Variants in GAREM1 observed in about 807,000 individuals in gnomAD.
GAREM1 encodes the protein GRB2-associated and regulator of MAPK protein 1.
Under a neutral mutation model 71.3 loss-of-function variants are expected in GAREM1, and 26 were observed. The observed-to-expected ratio is 0.36, with a 90% CI of 0.27 to 0.51. The LOEUF (loss-of-function observed/expected upper bound fraction) is 0.51. GAREM1 is among the 20% of genes least tolerant of loss of function. The pLI is 0.95. For synonymous variants in GAREM1, 440 were observed against 433.2 expected (o/e 1.02, Z -0.20); for missense variants, 1,026 against 1,103.1 (o/e 0.93, Z 0.99).
In GAREM1 at chr18:32,288,308, C is replaced by A. The variant is rs141933329; in HGVS notation, c.394-105G>T. 2.0e-5 allele frequency: 17 copies of A among 869,182 alleles called. No homozygotes were observed. In the African/African-American group the frequency reaches 2.6e-4, roughly 13 times the overall value. The allele number at this position is 869,182 out of a possible 1,614,324, so 53.8% of individuals were successfully genotyped here. On this transcript the variant is annotated intron_variant, in intron 3 of 5. Coordinates refer to ENST00000269209, the MANE Select transcript of GAREM1 (RefSeq NM_001242409.2). ...AATACACACACAGAGGAAAATGCTGCGCTTTTCTTTAATACTAAATTTAGA... is the reference window on the plus strand; with the variant it reads ...AATACACACACAGAGGAAAATGCTGAGCTTTTCTTTAATACTAAATTTAGA...
chr18:32,299,914 A>G (rs1444338473), intron 3 of GAREM1, among the ~76,000 whole-genome samples: 3 of 152,216 alleles, frequency 2.0e-5, no homozygotes. Flanking sequence ...AAAAATTTAT[A>G]TTATGAGACT....
chr18:32,380,474 TAA>T (rs35881689), intron 2 of GAREM1, among the ~76,000 whole-genome samples: 26 of 92,422 alleles, frequency 2.8e-4, no homozygotes, highest in Admixed American at 3.7e-4. Context: ...AGACTTCATT[TAA>T]AAAAAAAAAA....
intron 1 of GAREM1, among the ~76,000 whole-genome samples, chr18:32,413,860 C>T (rs551880727): frequency 1.3e-5 from 2 of 152,148 alleles, no homozygotes; most frequent in Admixed American, 6.6e-5. Flanking sequence ...GTTAGTTACA[C>T]TCCCAAGCAA....
intron 2 of GAREM1, among the ~76,000 whole-genome samples, chr18:32,325,965 C>T (rs1041938107): frequency 6.6e-6 from 1 of 152,180 alleles, no homozygotes; most frequent in Non-Finnish European, 1.5e-5. Context: ...GATGAAGATA[C>T]ACTTGTCATG....
At chr18:32,400,354 A>T (rs1417548825) in intron 1 of GAREM1, among the ~76,000 whole-genome samples, 1 of 152,222 alleles carries the variant, frequency 6.6e-6, no homozygotes, top group Admixed American at 6.5e-5. Flanking sequence ...GCTTCTGCAC[A>T]GCAAAAGAAA....
At chr18:32,282,661 C>T (rs1001721385) in intron 4 of GAREM1, among the ~76,000 whole-genome samples, 5 of 152,310 alleles carry the variant, frequency 3.3e-5, no homozygotes, top group African/African-American at 4.8e-5. Flanking sequence ...CTGCCCACCT[C>T]GGCTTCCCAA....
chr18:32,367,337 T>G (rs532190547), intron 2 of GAREM1, among the ~76,000 whole-genome samples: 1 of 152,318 alleles, frequency 6.6e-6, no homozygotes, highest in Admixed American at 6.5e-5. Flanking sequence ...ACAGCTAATA[T>G]AGGTAACAGC....
At chr18:32,302,210 T>C (rs1433202992) in intron 3 of GAREM1, among the ~76,000 whole-genome samples, 1 of 152,188 alleles carries the variant, frequency 6.6e-6, no homozygotes, top group African/African-American at 2.4e-5. Context: ...CTGAGTCATT[T>C]TGTGGCTTCA....
At chr18:32,408,002 C>CTA (rs771943618) in intron 1 of GAREM1, among the ~76,000 whole-genome samples, 1 of 151,456 alleles carries the variant, frequency 6.6e-6, no homozygotes. Flanking sequence ...ACTAACTCTA[C>CTA]TAAAGGTGTC....
Position 32,399,433 on chromosome 18 carries a change from A to G in GAREM1, c.122-6398T>C, listed in dbSNP as rs2048289886. Among the ~76,000 whole-genome samples, 2 of 152,234 alleles carry G rather than the reference A, an allele frequency of 1.3e-5. 1 individual carries two copies. Among genetic ancestry groups the G allele is most frequent in the South Asian group, 4.1e-4 (2 of 4,830 alleles). On this transcript the variant is annotated intron_variant, in intron 1 of 5. Transcript: ENST00000269209. ...TATATTTAGAAAACCCCATCGTCTCAGCCCAAAATCTCCTTAAGCTGATAG... is the reference window on the plus strand; with the variant it reads ...TATATTTAGAAAACCCCATCGTCTCGGCCCAAAATCTCCTTAAGCTGATAG...
intron 1 of GAREM1, chr18:32,412,376 G>T (rs1479716682): frequency 6.3e-7 from 1 of 1,589,780 alleles, no homozygotes; most frequent in Non-Finnish European, 8.5e-7. Flanking sequence ...AAGACTGATT[G>T]TTGTAATTGC....
intron 1 of GAREM1, among the ~76,000 whole-genome samples, chr18:32,462,652 T>C (rs1174702411): frequency 1.3e-5 from 2 of 152,260 alleles, no homozygotes; most frequent in Non-Finnish European, 2.9e-5. Flanking sequence ...TTGTTGCCTA[T>C]GTATTTAGGT....
At chr18:32,376,434 T>C (rs930469710) in intron 2 of GAREM1, among the ~76,000 whole-genome samples, 47 of 152,268 alleles carry the variant, frequency 3.1e-4, no homozygotes, top group African/African-American at 1.0e-3. Context: ...TTTTGTTCAG[T>C]TGATTTACTT....
intron 3 of GAREM1, among the ~76,000 whole-genome samples, chr18:32,300,765 G>A (rs1272124324): frequency 6.6e-6 from 1 of 151,274 alleles, no homozygotes; most frequent in Non-Finnish European, 1.5e-5. Context: ...AATTAGCCAG[G>A]CATGGTGGTG....
chr18:32,441,908 T>C (rs2048741742), intron 1 of GAREM1, among the ~76,000 whole-genome samples: 1 of 152,164 alleles, frequency 6.6e-6, no homozygotes, highest in South Asian at 2.1e-4. Context: ...TAACAGAACT[T>C]GAAGCAATTC....
chr18:32,306,524 T>C (rs2047257897), intron 3 of GAREM1, among the ~76,000 whole-genome samples: 1 of 151,946 alleles, frequency 6.6e-6, no homozygotes. Context: ...CAATCAAAAC[T>C]GTGTACAGAC....
intron 4 of GAREM1, among the ~76,000 whole-genome samples, chr18:32,281,847 A>T (rs2046954417): frequency 6.6e-6 from 1 of 152,064 alleles, no homozygotes; most frequent in African/African-American, 2.4e-5. Flanking sequence ...AGATGGCCTG[A>T]AGTAACCGAA....
At chr18:32,456,313 C>T (rs2048888739) in intron 1 of GAREM1, among the ~76,000 whole-genome samples, 1 of 151,896 alleles carries the variant, frequency 6.6e-6, no homozygotes, top group African/African-American at 2.4e-5. Flanking sequence ...AGAGCAAGTC[C>T]GAGTGGTGAA....
intron 1 of GAREM1, among the ~76,000 whole-genome samples, chr18:32,427,725 C>T (rs1413536513): frequency 2.0e-5 from 3 of 152,172 alleles, no homozygotes; most frequent in Non-Finnish European, 2.9e-5. Context: ...GAGAGAAAAA[C>T]TGGCATTAAG....
Sources: gnomAD v4.1 joint callset for allele counts (sites outside exome capture counted in the v4.1 genomes callset) on GRCh38, gnomAD v4.1.1 for gene constraint, MANE v1.5 for transcripts, NCBI Gene and HGNC (gene_info 2026-07-23, HGNC 2026-07-21) for gene names.